The following NCAN variants were observed in gnomAD, a reference collection of about 807,000 sequenced individuals.
NCAN encodes neurocan, also known as neurocan core protein.
NCAN carries 47 observed loss-of-function variants against 121.8 expected under a neutral mutation model. The ratio of observed to expected loss-of-function variants is 0.39; its 90% CI spans 0.31 to 0.49. The LOEUF (loss-of-function observed/expected upper bound fraction) is 0.49. NCAN is among the 20% of genes least tolerant of loss of function. NCAN has a pLI of 0.92. For synonymous variants in NCAN, 633 were observed against 702.0 expected (o/e 0.90, Z 1.55); for missense variants, 1,517 against 1,773.4 (o/e 0.86, Z 2.60).
chr19:19,238,266 T>C lies in NCAN; in HGVS notation c.3264T>C (p.Cys1088=). 1.2e-6 allele frequency: 2 copies of C among 1,614,172 alleles called. No individual in the cohort carries two copies. Among genetic ancestry groups the C allele is most frequent in the Non-Finnish European group, 1.7e-6 (2 of 1,180,028 alleles). The change falls in exon 11 of 15, where the codon TGT becomes TGC. Residue 1088 remains cysteine, a synonymous_variant. Transcript: ENST00000252575. ...CCCATCTCCCAGACACCGAGGGCTG[T>C]GACCGCGGCTGGCATAAGTTCCAGG... ...GSFCEKDTEG[C]DRGWHKFQGH...
At chr19:19,241,267 A>C (rs2060902451) in intron 12 of NCAN, among the ~76,000 whole-genome samples, 1 of 151,606 alleles carries the variant, frequency 6.6e-6, no homozygotes, top group Admixed American at 6.6e-5. Context: ...TCAAAAAAAA[A>C]AAAAAGTATA....
rs142344903 is a variant in NCAN, at chr19:19,218,932, G to A, written c.91G>A (p.Asp31Asn). The change falls in exon 3 of 15, where the codon GAT becomes AAT. Residue 31 changes from aspartate (D) to asparagine (N), a missense_variant. By Grantham distance (23) the Asp-to-Asn change is conservative. Transcript: ENST00000252575. Reference protein sequence around the residue: ...AGEQGTQDITDASERGLHMQK... With the variant: ...AGEQGTQDITNASERGLHMQK... ...CAACCCAGGCACACAGGATATCACC[G>A]ATGCCAGCGAAAGGGGGCTCCACAT... The A allele has an allele frequency of 4.3e-4, 656 of 1,519,492 alleles. No individual in the cohort carries two copies. The highest frequency in any genetic ancestry group is 5.6e-4 in the Non-Finnish European group (637 of 1,132,282). 94.1% of individuals were successfully genotyped at this position (1,519,492 alleles called of 1,614,324 possible). A position where few individuals can be genotyped will look rare whatever the true frequency, so the allele number is the denominator to read the frequency against.
At chr19:19,247,175 T>C (rs1402160670) in intron 13 of NCAN, among the ~76,000 whole-genome samples, 1 of 151,674 alleles carries the variant, frequency 6.6e-6, no homozygotes, top group African/African-American at 2.4e-5. Context: ...TCACTTGAAC[T>C]CCAGGGCTCA....
At position 19,226,672 on chromosome 19, in the gene NCAN, A is replaced by T. The variant is rs1257577214; in HGVS notation, c.1259A>T (p.Glu420Val). Residue 420 changes from glutamate (E) to valine (V), a missense_variant, in exon 7 of 15, where the codon GAG becomes GTG. By Grantham distance (121) the Glu-to-Val change is moderately radical (BLOSUM62 -2). Coordinates refer to ENST00000252575, the MANE Select transcript of NCAN (RefSeq NM_004386.3). ...SSGEEETLIL[E>V]EKQESQQTLS... ...GGGGAAGAAGAAACCCTGATTTTGG[A>T]GGAGAAGCAGGAGTCTCAACAGACC... The T allele has an allele frequency of 6.2e-7, 1 of 1,613,656 alleles. No individual in the cohort carries two copies. Among genetic ancestry groups the T allele is most frequent in the South Asian group, 1.1e-5 (1 of 91,080 alleles).
intron 13 of NCAN, among the ~76,000 whole-genome samples, chr19:19,247,398 C>T (rs111444407): frequency 0.23 from 35,206 of 152,006 alleles, 5,395 homozygotes; most frequent in African/African-American, 0.43. Flanking sequence ...GGACTACAGG[C>T]GCACGCTGCC....
intron 1 of NCAN, among the ~76,000 whole-genome samples, chr19:19,216,263 C>T (rs1443451696): frequency 6.6e-6 from 1 of 152,144 alleles, no homozygotes; most frequent in Non-Finnish European, 1.5e-5. Flanking sequence ...ATCCTCCCAC[C>T]TCAGCCTCCT....
chr19:19,213,902 C>G (rs1489982784), intron 1 of NCAN, among the ~76,000 whole-genome samples: 1 of 152,184 alleles, frequency 6.6e-6, no homozygotes. Context: ...CCCTGACTCT[C>G]AGGTCAGAAA....
At chr19:19,231,833 T>C (rs2060861099) in intron 8 of NCAN, among the ~76,000 whole-genome samples, 1 of 151,860 alleles carries the variant, frequency 6.6e-6, no homozygotes. Flanking sequence ...AATTTTAAAA[T>C]TAGCCGGGCA....
At chr19:19,246,224 G>T (rs2060923942) in intron 13 of NCAN, among the ~76,000 whole-genome samples, 1 of 151,802 alleles carries the variant, frequency 6.6e-6, no homozygotes, top group South Asian at 2.1e-4. Context: ...TATTAGTAGA[G>T]ACGGGGTTTC....
At chr19:19,239,076 C>T (rs568546070) in intron 11 of NCAN, among the ~76,000 whole-genome samples, 15 of 152,044 alleles carry the variant, frequency 9.9e-5, no homozygotes, top group Admixed American at 2.0e-4. Context: ...CCCTCCTGAG[C>T]GACTGGCTCG....
intron 12 of NCAN, among the ~76,000 whole-genome samples, chr19:19,242,467 A>ACC: frequency 6.6e-6 from 1 of 152,176 alleles, no homozygotes; most frequent in East Asian, 1.9e-4. Flanking sequence ...AGGCGAGTGG[A>ACC]TCACCTGAGG....
chr19:19,225,095 G>A lies in NCAN; in HGVS notation c.897G>A (p.Glu299=). ...GACAGCTGCACCTGGCCTGGCATGA[G>A]GGCCTGGACCAGTGCGACCCGGGCT... The part of the protein sequence containing the change: ...SVGQLHLAWH[E]GLDQCDPGWL... The change falls in exon 6 of 15, where the codon GAG becomes GAA. Residue 299 remains glutamate (E), a synonymous_variant. Transcript: ENST00000252575. This position sits in a 1 kb window ranked among gnomAD's most constrained non-coding sequence, Gnocchi z 4.0. 1 of 1,534,198 alleles carries A rather than the reference G, an allele frequency of 6.5e-7. No homozygotes were observed. The highest frequency in any genetic ancestry group is 8.7e-7 in the Non-Finnish European group (1 of 1,148,528).
intron 12 of NCAN, among the ~76,000 whole-genome samples, chr19:19,241,212 C>T (rs968122498): frequency 6.6e-6 from 1 of 151,836 alleles, no homozygotes; most frequent in African/African-American, 2.4e-5. Context: ...GCCGAGATCA[C>T]TCCACTGCAC....
In NCAN at chr19:19,249,717, C is replaced by A. The variant is rs936766886; in HGVS notation, c.3821-49C>A. ...GACACCCGCTGCATCAGGCCACCTGCCTCTCACCACCTTTTGTCCCTTCCC... is the reference window on the plus strand; with the variant it reads ...GACACCCGCTGCATCAGGCCACCTGACTCTCACCACCTTTTGTCCCTTCCC... On this transcript the variant is annotated intron_variant, in intron 14 of 14. Transcript: ENST00000252575. 2 of 1,548,812 alleles carry A rather than the reference C, an allele frequency of 1.3e-6. 1 individual carries two copies. The highest frequency in any genetic ancestry group is 4.5e-5 in the East Asian group (2 of 44,412).
chr19:19,228,014 C>G lies in NCAN; in HGVS notation c.2394C>G (p.Pro798=), dbSNP rs1322037572. 3 of 1,613,470 alleles carry G rather than the reference C, an allele frequency of 1.9e-6. No individual in the cohort carries two copies. The highest frequency in any genetic ancestry group is 1.7e-6 in the Non-Finnish European group (2 of 1,180,008). The part of the protein sequence containing the change: ...KGLDASSPSA[P]LGSPGVFLVP... The stretch of plus-strand genomic sequence containing the variant: ...TGGATGCAAGTTCCCCATCTGCCCC[C>G]CTGGGGAGCCCTGGAGTCTTCTTGG... The change falls in exon 8 of 15, where the codon CCC becomes CCG. Residue 798 remains proline (P), a synonymous_variant. Coordinates refer to ENST00000252575, the MANE Select transcript of NCAN (RefSeq NM_004386.3).
rs367759381 is a variant in NCAN at position 19,230,883 on chromosome 19, CTGTGTG to C, written c.3019+2284_3019+2289del. Among the ~76,000 whole-genome samples, 699 of 121,826 alleles carry C rather than the reference CTGTGTG, an allele frequency of 5.7e-3. 1 individual carries two copies. Among genetic ancestry groups the C allele is most frequent in the African/African-American group, 0.019 (582 of 31,296 alleles). The allele number at this position is 121,826 out of a possible 152,430, so 79.9% of individuals were successfully genotyped here. A position where few individuals can be genotyped will look rare whatever the true frequency, so the allele number is the denominator to read the frequency against. On this transcript the variant is annotated intron_variant, in intron 8 of 14. Coordinates refer to ENST00000252575, the MANE Select transcript of NCAN (RefSeq NM_004386.3). ...ACAGGCATGCAACCACCACACCCGG[CTGTGTG>C]TGTGTGTGTGTGTGTGTGTGTGTGT... is the stretch of plus-strand genomic sequence containing the variant.
intron 13 of NCAN, among the ~76,000 whole-genome samples, chr19:19,246,991 C>T (rs2060926662): frequency 6.6e-6 from 1 of 152,132 alleles, no homozygotes; most frequent in Non-Finnish European, 1.5e-5. Context: ...CATTTGTATA[C>T]ATTTGTACAT....
chr19:19,214,288 C>T (rs1205778396), intron 1 of NCAN, among the ~76,000 whole-genome samples: 1 of 152,168 alleles, frequency 6.6e-6, no homozygotes, highest in African/African-American at 2.4e-5. Flanking sequence ...CCCCGCAGGC[C>T]CCTGCTTGCA....
chr19:19,228,437 C>T lies in NCAN; in HGVS notation c.2817C>T (p.Gly939=), dbSNP rs569628000. The change falls in exon 8 of 15, where the codon GGC becomes GGT. Residue 939 remains glycine, a synonymous_variant. Transcript: ENST00000252575. ...GGACACCGACTGCAGCCAGTGTGGG[C>T]GAGTCTGCCTCAGTTTCCTCAGGGG... ...PPGTPTAASV[G]ESASVSSGEP... 6.2e-6 allele frequency: 10 copies of T among 1,613,640 alleles called. No homozygotes were observed. Among genetic ancestry groups the T allele is most frequent in the Non-Finnish European group, 8.5e-6 (10 of 1,180,014 alleles).
Sources: gnomAD v4.1 joint callset for allele counts (sites outside exome capture counted in the v4.1 genomes callset) on GRCh38, gnomAD v4.1.1 for gene constraint, Gnocchi (gnomAD v3.1) non-coding constraint, MANE v1.5 for transcripts, NCBI Gene and HGNC (gene_info 2026-07-23, HGNC 2026-07-21) for gene names.